Variants in TOLLIP observed in about 807,000 individuals in gnomAD.
TOLLIP encodes toll interacting protein.
TOLLIP carries 16 observed loss-of-function variants against 33.5 expected under a neutral mutation model. The observed-to-expected ratio is 0.48, with a 90% confidence interval of 0.32 to 0.72. The LOEUF (loss-of-function observed/expected upper bound fraction) is 0.72. Ranked by LOEUF, TOLLIP falls within the 30% of genes least tolerant of loss-of-function variation. The pLI, the probability that TOLLIP is intolerant of heterozygous loss-of-function variation, is 0.03. For synonymous variants in TOLLIP, 176 were observed against 163.7 expected (o/e 1.07, Z -0.57); for missense variants, 325 against 396.6 (o/e 0.82, Z 1.53).
In TOLLIP at chr11:1,290,202, A is replaced by C; in HGVS notation, c.366+25T>G. On this transcript the variant is annotated intron_variant, in intron 3 of 5. Transcript: ENST00000317204. This position sits in a 1 kb window ranked among gnomAD's most constrained non-coding sequence, Gnocchi z 4.9. ...CCACGCTCAGCCACGTGCAGCCTCC[A>C]TAATAGCTGGCACGTCCCTCTCACC... 6.2e-7 allele frequency: 1 copy of C among 1,607,842 alleles called. No homozygotes were observed. The highest frequency in any genetic ancestry group is 8.5e-7 in the Non-Finnish European group (1 of 1,175,988).
intron 1 of TOLLIP, chr11:1,306,035 C>T (rs1342049134): frequency 2.0e-5 from 3 of 152,104 alleles, no homozygotes; most frequent in Admixed American, 1.3e-4. Flanking sequence ...CGGTACCCCT[C>T]GCAGGGGTCC....
intron 2 of TOLLIP, among the ~76,000 whole-genome samples, chr11:1,292,748 G>A (rs139117968): frequency 2.6e-4 from 39 of 152,332 alleles, no homozygotes; most frequent in African/African-American, 8.4e-4. Context: ...GGGGACACAC[G>A]GGCACCGCTG....
chr11:1,277,324 GGAA>G lies in TOLLIP; in HGVS notation c.611-74_611-72del, dbSNP rs1863343895. The G allele has an allele frequency of 4.6e-6, 6 of 1,304,632 alleles. No individual in the cohort carries two copies. The highest frequency in any genetic ancestry group is 1.5e-5 in the African/African-American group (1 of 67,504). The allele number at this position is 1,304,632 out of a possible 1,614,324, so 80.8% of individuals were successfully genotyped here. A position where few individuals can be genotyped will look rare whatever the true frequency, so the allele number is the denominator to read the frequency against. ...AAGTGCCACACTAGCTCCTGCTGAAGGAAGAAAACAACGCATCCCACCGGCCTC... is the reference window on the plus strand; with the variant it reads ...AAGTGCCACACTAGCTCCTGCTGAAGGAAAACAACGCATCCCACCGGCCTC... On this transcript the variant is annotated intron_variant, in intron 5 of 5. Coordinates refer to ENST00000317204, the MANE Select transcript of TOLLIP (RefSeq NM_019009.4). The surrounding 1 kb of genome is among the most constrained non-coding windows in gnomAD (Gnocchi z 4.2).
At chr11:1,306,729 C>T (rs1864432236) in intron 1 of TOLLIP, among the ~76,000 whole-genome samples, 1 of 152,040 alleles carries the variant, frequency 6.6e-6, no homozygotes, top group Non-Finnish European at 1.5e-5. Flanking sequence ...TTACAGAGTG[C>T]TGCGCTGAGC....
At chr11:1,293,546 A>G (rs556371533) in intron 2 of TOLLIP, among the ~76,000 whole-genome samples, 127 of 152,358 alleles carry the variant, frequency 8.3e-4, no homozygotes, top group African/African-American at 2.8e-3. Context: ...AGCAGGAAAC[A>G]GGGGCTGAGC....
rs150673853 is a variant in TOLLIP, at chr11:1,277,542, G to A, written c.611-289C>T. ...AAGTTTGATCTTTCAAATCTCACCC[G>A]AGTCTGTTTTATAACTAGCAGGCTG... is the stretch of plus-strand genomic sequence containing the variant. On this transcript the variant is annotated intron_variant, in intron 5 of 5. Coordinates refer to ENST00000317204, the MANE Select transcript of TOLLIP (RefSeq NM_019009.4). This position sits in a 1 kb window ranked among gnomAD's most constrained non-coding sequence, Gnocchi z 4.2. Among the ~76,000 whole-genome samples, 333 of 152,212 alleles carry A rather than the reference G, an allele frequency of 2.2e-3. 5 individuals are homozygous for A. The highest frequency in any genetic ancestry group is 7.6e-3 in the African/African-American group (316 of 41,522).
At chr11:1,288,923 C>A in intron 3 of TOLLIP, 147 bp from the exon 4 acceptor site, 1 of 832,652 alleles carries the variant, frequency 1.2e-6, no homozygotes. Flanking sequence ...CGATGAGACC[C>A]CTCGGGCAGC....
intron 1 of TOLLIP, among the ~76,000 whole-genome samples, 186 bp from the exon 2 acceptor site, chr11:1,295,980 G>A (rs1346681967): frequency 6.6e-6 from 1 of 152,106 alleles, no homozygotes; most frequent in Non-Finnish European, 1.5e-5. Context: ...CCTGGGGCCT[G>A]GCCCCCAGCG....
At position 1,297,899 on chromosome 11, in the gene TOLLIP, G is replaced by C. The variant is rs368620685; in HGVS notation, c.34-2105C>G. Reference sequence around the variant, plus strand: ...CACGAGATGCTAAGCACCTGTTCCTGTTGGCACACAGGAAACACTGGGGTA... The same window carrying C: ...CACGAGATGCTAAGCACCTGTTCCTCTTGGCACACAGGAAACACTGGGGTA... On this transcript the variant is annotated intron_variant, in intron 1 of 5. Coordinates refer to ENST00000317204, the MANE Select transcript of TOLLIP (RefSeq NM_019009.4). 6.3e-4 allele frequency among the ~76,000 whole-genome samples: 96 copies of C among 152,324 alleles called. No homozygotes were observed. The Middle Eastern group carries it at 0.027, about 43-fold the overall frequency.
chr11:1,304,563 C>G (rs1311028992), intron 1 of TOLLIP, among the ~76,000 whole-genome samples: 1 of 152,222 alleles, frequency 6.6e-6, no homozygotes, highest in East Asian at 1.9e-4. Context: ...CCGAGGTCTC[C>G]GCGTGGATCC....
intron 1 of TOLLIP, among the ~76,000 whole-genome samples, chr11:1,298,846 A>G (rs927313290): frequency 6.6e-6 from 1 of 152,160 alleles, no homozygotes; most frequent in African/African-American, 2.4e-5. Context: ...CCCACACCCC[A>G]ATTAAGAGAC....
chr11:1,295,633 C>T lies in TOLLIP; in HGVS notation c.183+12G>A. On this transcript the variant is annotated intron_variant, in intron 2 of 5. Coordinates refer to ENST00000317204, the MANE Select transcript of TOLLIP (RefSeq NM_019009.4). ...CAGCCCCAGGCAGGCAGGAGGGTGC[C>T]CCAAGGCCCACCTGTACCACCGTGA... 1.3e-6 allele frequency: 2 copies of T among 1,535,504 alleles called. No individual in the cohort carries two copies. The highest frequency in any genetic ancestry group is 1.8e-6 in the Non-Finnish European group (2 of 1,130,280).
intron 5 of TOLLIP, among the ~76,000 whole-genome samples, chr11:1,280,284 C>T (rs536486864): frequency 4.6e-5 from 7 of 152,222 alleles, no homozygotes; most frequent in Admixed American, 1.3e-4. Context: ...AACTCACAGG[C>T]GCTGCGAACG....
At chr11:1,298,291 G>C (rs1359609765) in intron 1 of TOLLIP, 3 of 152,338 alleles carry the variant, frequency 2.0e-5, no homozygotes, top group Non-Finnish European at 2.9e-5. Flanking sequence ...GCACACGTAG[G>C]GGACAGACAG....
At chr11:1,301,642 G>A (rs551179565) in intron 1 of TOLLIP, among the ~76,000 whole-genome samples, 24 of 152,196 alleles carry the variant, frequency 1.6e-4, no homozygotes, top group African/African-American at 4.1e-4. Context: ...GAGAACAAGC[G>A]TCAAGGACTC....
At chr11:1,289,480 C>T (rs773056185) in intron 3 of TOLLIP, among the ~76,000 whole-genome samples, 4 of 152,366 alleles carry the variant, frequency 2.6e-5, no homozygotes, top group East Asian at 1.9e-4. Context: ...GGTGCAGCCA[C>T]GGACGGGACT....
chr11:1,305,814 C>G (rs1031214116), intron 1 of TOLLIP: 2 of 152,242 alleles, frequency 1.3e-5, no homozygotes, highest in Non-Finnish European at 2.9e-5. Flanking sequence ...CACGGCACAG[C>G]GCACCCACCT....
In TOLLIP at chr11:1,290,768, A is replaced by G; in HGVS notation, c.184-359T>C. ...GGGAAAGAGGAGGAGGTCCCGGGAC[A>G]GAGCTGAGAGCCAGAGCATGACATG... On this transcript the variant is annotated intron_variant, in intron 2 of 5. Coordinates refer to ENST00000317204, the MANE Select transcript of TOLLIP (RefSeq NM_019009.4). The surrounding 1 kb of genome is among the most constrained non-coding windows in gnomAD (Gnocchi z 4.9). 1 of 214,760 alleles carries G rather than the reference A, an allele frequency of 4.7e-6. No individual in the cohort carries two copies. The highest frequency in any genetic ancestry group is 1.1e-4 in the East Asian group (1 of 8,868). The allele number at this position is 214,760 out of a possible 1,614,324, so 13.3% of individuals were successfully genotyped here.
chr11:1,302,334 C>T (rs5743899), intron 1 of TOLLIP, among the ~76,000 whole-genome samples: 108,727 of 152,146 alleles, frequency 0.71, 39,623 homozygotes, highest in Non-Finnish European at 0.81. Flanking sequence ...CCCCTCAGTG[C>T]GCAGGGTTTC....
Sources: gnomAD v4.1 joint callset for allele counts (sites outside exome capture counted in the v4.1 genomes callset) on GRCh38, gnomAD v4.1.1 for gene constraint, Gnocchi (gnomAD v3.1) non-coding constraint, MANE v1.5 for transcripts, NCBI Gene and HGNC (gene_info 2026-07-23, HGNC 2026-07-21) for gene names.